VPS37A: variants seen among roughly 807,000 people sequenced by gnomAD.
The protein encoded by VPS37A is vacuolar protein sorting-associated protein 37A.
Under a neutral mutation model 49.8 loss-of-function variants are expected in VPS37A, and 30 were observed. That is an observed-to-expected ratio of 0.60 (90% CI 0.45 to 0.82). The LOEUF is 0.82. VPS37A is among the 40% of genes least tolerant of loss of function. VPS37A has a pLI of 0.00. For missense variants in VPS37A, 593 were observed against 464.4 expected, an observed-to-expected ratio of 1.28 and a Z score of -2.55; for synonymous variants, 195 against 160.6, an observed-to-expected ratio of 1.21 and a Z score of -1.62.
the VPS37A span, among the ~76,000 whole-genome samples, chr8:17,323,930 T>C: frequency 6.6e-6 from 1 of 152,196 alleles, no homozygotes; most frequent in Non-Finnish European, 1.5e-5. Flanking sequence ...AAGGTGAACA[T>C]TTTAAAATTA....
At chr8:17,249,280 T>A (rs998122338) in intron 1 of VPS37A, among the ~76,000 whole-genome samples, 5 of 152,206 alleles carry the variant, frequency 3.3e-5, no homozygotes, top group African/African-American at 1.2e-4. Context: ...CAGCAATTGT[T>A]AATGTAAAGA....
At chr8:17,303,571 A>T (rs1817263038), downstream of VPS37A, among the ~76,000 whole-genome samples, 1 of 151,526 alleles carries the variant, frequency 6.6e-6, no homozygotes, top group Non-Finnish European at 1.5e-5. Flanking sequence ...AACTTGTAGG[A>T]TGCCACCCTG....
At chr8:17,294,741 C>A (rs1045274563) in intron 11 of VPS37A, among the ~76,000 whole-genome samples, 70 of 152,158 alleles carry the variant, frequency 4.6e-4, no homozygotes, top group Non-Finnish European at 5.9e-5. Context: ...TGCTTCTGCT[C>A]ACCCTCCGTG....
At chr8:17,291,378 T>A (rs1310311618) in intron 11 of VPS37A, among the ~76,000 whole-genome samples, 9 of 152,008 alleles carry the variant, frequency 5.9e-5, no homozygotes, top group African/African-American at 1.7e-4. Flanking sequence ...TTTTTTAGTC[T>A]GGCTAGTGGT....
downstream of VPS37A, chr8:17,298,149 A>G (rs578198710): frequency 6.6e-6 from 1 of 152,194 alleles, no homozygotes; most frequent in East Asian, 1.9e-4. Context: ...AGCTCCAAGA[A>G]GGTTGTGAAG....
At chr8:17,273,779 A>T (rs555831762) in intron 4 of VPS37A, among the ~76,000 whole-genome samples, 3 of 151,982 alleles carry the variant, frequency 2.0e-5, no homozygotes, top group South Asian at 4.2e-4. Context: ...GTATACATTT[A>T]AAAAAAATGT....
chr8:17,248,392 AC>A, intron 1 of VPS37A: 1 of 447,332 alleles, frequency 2.2e-6, no homozygotes, highest in Non-Finnish European at 4.4e-6. Flanking sequence ...AGCTCCCCAC[AC>A]CCCTCCGAGT....
chr8:17,329,725 G>A, the VPS37A span, among the ~76,000 whole-genome samples: 1 of 152,194 alleles, frequency 6.6e-6, no homozygotes, highest in Non-Finnish European at 1.5e-5. Context: ...ACAGTACCAA[G>A]GAGTCCAATT....
intron 11 of VPS37A, among the ~76,000 whole-genome samples, chr8:17,288,608 T>A (rs1424740427): frequency 1.3e-5 from 2 of 152,250 alleles, no homozygotes; most frequent in African/African-American, 4.8e-5. Context: ...ATTTTCTTTA[T>A]CCATTCTATC....
chr8:17,312,111 T>TA, the VPS37A span, among the ~76,000 whole-genome samples: 4 of 152,068 alleles, frequency 2.6e-5, no homozygotes. Context: ...AAAACAAAAG[T>TA]AAAAATGACA....
downstream of VPS37A, chr8:17,298,561 T>C (rs987217720): frequency 6.6e-6 from 1 of 152,538 alleles, no homozygotes; most frequent in Non-Finnish European, 1.5e-5. Flanking sequence ...AAATCAGATA[T>C]TCAAAATATT....
intron 11 of VPS37A, 48 bp downstream of exon 11, chr8:17,286,475 C>A: frequency 6.5e-7 from 1 of 1,528,252 alleles, no homozygotes; most frequent in Non-Finnish European, 9.0e-7. Context: ...CATCAGTGTT[C>A]TTTAAATAGA....
chr8:17,333,068 G>A, the VPS37A span, among the ~76,000 whole-genome samples: 4 of 152,172 alleles, frequency 2.6e-5, no homozygotes, highest in African/African-American at 4.8e-5. Flanking sequence ...CATTGCCATA[G>A]GAGCCCAGGC....
downstream of VPS37A, chr8:17,300,043 G>C (rs757206258): frequency 1.2e-6 from 2 of 1,614,142 alleles, no homozygotes; most frequent in Non-Finnish European, 1.7e-6. Flanking sequence ...AATCAGAGCA[G>C]AATCTTCATC....
the VPS37A span, among the ~76,000 whole-genome samples, chr8:17,315,434 G>C: frequency 2.0e-5 from 3 of 152,070 alleles, no homozygotes; most frequent in Admixed American, 2.0e-4. Flanking sequence ...CCCACAGAAT[G>C]TCCAACAGCA....
At chr8:17,316,012 T>G in the VPS37A span, among the ~76,000 whole-genome samples, 1 of 152,152 alleles carries the variant, frequency 6.6e-6, no homozygotes, top group African/African-American at 2.4e-5. Context: ...CCAGATCCTA[T>G]CTCTAAAAAA....
chr8:17,327,815 A>G, the VPS37A span, among the ~76,000 whole-genome samples: 4 of 152,194 alleles, frequency 2.6e-5, no homozygotes, highest in African/African-American at 9.7e-5. Flanking sequence ...ACATTTCTCT[A>G]ATTACCAGAG....
In VPS37A at chr8:17,247,260, C is replaced by A; in HGVS notation, c.16C>A (p.Pro6Thr). ...CCCGAGGAGGATGAGCTGGCTTTTT[C>A]CCCTGACCAAGAGCGCCTCCTCCTC... MSWLF[P>T]LTKSASSSAA... is the part of the protein sequence containing the mutation. The change falls in exon 1 of 12, where the codon CCC becomes ACC. Residue 6 changes from proline to threonine, a missense_variant. Pro to Thr is a conservative substitution (Grantham distance 38). Coordinates refer to ENST00000324849, the MANE Select transcript of VPS37A (RefSeq NM_152415.3). The A allele has an allele frequency of 6.4e-7, 1 of 1,571,482 alleles. No homozygotes were observed. The highest frequency in any genetic ancestry group is 8.6e-7 in the Non-Finnish European group (1 of 1,158,348).
At chr8:17,325,017 T>G in the VPS37A span, among the ~76,000 whole-genome samples, 1 of 152,078 alleles carries the variant, frequency 6.6e-6, no homozygotes, top group Non-Finnish European at 1.5e-5. Context: ...ATTTGCAATA[T>G]CTACAAAGGG....
Sources: allele counts gnomAD v4.1 joint callset (sites outside exome capture counted in the v4.1 genomes callset), GRCh38; gene constraint gnomAD v4.1.1; transcripts MANE v1.5; gene names NCBI Gene and HGNC (gene_info 2026-07-23, HGNC 2026-07-21).